Variants in LCLAT1 observed in about 807,000 individuals in gnomAD.
The protein encoded by LCLAT1 is 1-AGP acyltransferase 8.
A neutral mutation model predicts 30.7 loss-of-function variants in LCLAT1; 11 were observed. The observed-to-expected ratio is 0.36, with a 90% CI of 0.23 to 0.59. LCLAT1 has a LOEUF of 0.59. Among genes scored for constraint, LCLAT1 ranks in the 20% least tolerant of loss-of-function variants. The pLI, the probability that LCLAT1 is intolerant of heterozygous loss-of-function variation, is 0.77. For missense variants in LCLAT1, 402 were observed against 458.6 expected (o/e 0.88, Z 1.13); for synonymous variants, 155 against 151.3 (o/e 1.02, Z -0.18).
chr2:30,507,595 G>A (rs1392379918), intron 1 of LCLAT1, among the ~76,000 whole-genome samples: 1 of 152,144 alleles, frequency 6.6e-6, no homozygotes, highest in East Asian at 1.9e-4. Flanking sequence ...AGTTTGCTTA[G>A]GATAATGGTC....
chr2:30,472,725 T>C (rs1037421994), intron 1 of LCLAT1, among the ~76,000 whole-genome samples: 4 of 152,202 alleles, frequency 2.6e-5, no homozygotes, highest in Admixed American at 6.5e-5. Context: ...GTGATTACCT[T>C]TCCAGGTAAT....
intron 1 of LCLAT1, among the ~76,000 whole-genome samples, chr2:30,466,253 C>CTTTTCTTTTCTTTTCTTTTCTTTA (rs1296740107): frequency 8.7e-6 from 1 of 114,922 alleles, no homozygotes; most frequent in Non-Finnish European, 1.9e-5. Context: ...TCTTTTCTTT[C>CTTTTCTTTTCTTTTCTTTTCTTTA]TTTCCTGCTT....
At position 30,525,654 on chromosome 2, in the gene LCLAT1, A is replaced by G. The variant is rs780344134; in HGVS notation, c.64A>G (p.Ile22Val). The change falls in exon 2 of 6, where the codon ATT (isoleucine) becomes GTT (valine). Residue 22 changes from isoleucine (I) to valine (V), a missense_variant. Coordinates refer to ENST00000379509, the MANE Select transcript of LCLAT1 (RefSeq NM_001002257.3). ...GTTTTGGGGAAGCTTTTTTGGAAGC[A>G]TTTTCATGCTGAGTCCCTTTTTACC... is the stretch of plus-strand genomic sequence containing the variant. Reference protein sequence around the residue: ...TLFWGSFFGSIFMLSPFLPLM... With the variant: ...TLFWGSFFGSVFMLSPFLPLM... The G allele has an allele frequency of 2.8e-5, 45 of 1,613,934 alleles. No individual in the cohort carries two copies. Among genetic ancestry groups the G allele is most frequent in the Non-Finnish European group, 3.1e-5 (37 of 1,179,938 alleles).
chr2:30,634,251 C>T (rs1158231801), intron 5 of LCLAT1, among the ~76,000 whole-genome samples: 1 of 152,150 alleles, frequency 6.6e-6, no homozygotes, highest in African/African-American at 2.4e-5. Flanking sequence ...TTCCAATAGT[C>T]ACAGTGTCTG....
At chr2:30,626,767 G>A (rs995514790) in intron 5 of LCLAT1, among the ~76,000 whole-genome samples, 9 of 151,618 alleles carry the variant, frequency 5.9e-5, no homozygotes, top group African/African-American at 2.2e-4. Flanking sequence ...AGCATGTAAG[G>A]TCATAAATTT....
At chr2:30,536,771 T>G (rs1452905081) in intron 3 of LCLAT1, among the ~76,000 whole-genome samples, 2 of 152,124 alleles carry the variant, frequency 1.3e-5, no homozygotes, top group Admixed American at 6.5e-5. Flanking sequence ...CCAAATTGCA[T>G]AGATAAACAA....
intron 5 of LCLAT1, among the ~76,000 whole-genome samples, chr2:30,625,553 A>G (rs1318892450): frequency 2.0e-5 from 3 of 152,208 alleles, no homozygotes; most frequent in Non-Finnish European, 2.9e-5. Flanking sequence ...TTTCCTCTCA[A>G]TGGAGAAAAG....
At chr2:30,521,020 A>C (rs950892107) in intron 1 of LCLAT1, among the ~76,000 whole-genome samples, 5 of 152,136 alleles carry the variant, frequency 3.3e-5, no homozygotes, top group Non-Finnish European at 7.3e-5. Flanking sequence ...GGTCACCACA[A>C]AATTCGGGTC....
intron 3 of LCLAT1, among the ~76,000 whole-genome samples, chr2:30,537,545 C>CACAT (rs397766280): frequency 6.7e-6 from 1 of 149,702 alleles, no homozygotes; most frequent in African/African-American, 2.5e-5. Flanking sequence ...CACACACACA[C>CACAT]GCACGCACAC....
chr2:30,573,670 T>C (rs1234306653), intron 5 of LCLAT1, among the ~76,000 whole-genome samples: 1 of 152,182 alleles, frequency 6.6e-6, no homozygotes, highest in Non-Finnish European at 1.5e-5. Context: ...CTGATTTTCT[T>C]TGGCTTGGTT....
rs1164368048 is a variant in LCLAT1, at chr2:30,447,330, C to T, written c.-58C>T. On this transcript the variant is annotated 5_prime_UTR_variant, in exon 1 of 6. Transcript: ENST00000379509. Reference sequence around the variant, plus strand: ...GGAGGTTGTGACCCCTACGGAGCCCCAGCTTGCCCACGCACCCCACTCGGC... The same window carrying T: ...GGAGGTTGTGACCCCTACGGAGCCCTAGCTTGCCCACGCACCCCACTCGGC... 6.6e-6 allele frequency: 1 copy of T among 152,152 alleles called. No homozygotes were observed. Among genetic ancestry groups the T allele is most frequent in the East Asian group, 2.0e-4 (1 of 5,092 alleles). The allele number at this position is 152,152 out of a possible 1,614,324, so 9.4% of individuals were successfully genotyped here.
chr2:30,534,221 G>GTGTC (rs1686122884), intron 3 of LCLAT1, among the ~76,000 whole-genome samples: 1 of 3,132 alleles, frequency 3.2e-4, no homozygotes, highest in East Asian at 7.4e-3. Context: ...TTGATTTACT[G>GTGTC]TGTGTGTGTG....
intron 5 of LCLAT1, among the ~76,000 whole-genome samples, chr2:30,602,267 T>A (rs1667226847): frequency 6.6e-6 from 1 of 152,208 alleles, no homozygotes; most frequent in Non-Finnish European, 1.5e-5. Context: ...ACCAGACATT[T>A]TCTGCACTGT....
intron 5 of LCLAT1, among the ~76,000 whole-genome samples, chr2:30,602,113 A>ATAGT (rs1476517245): frequency 2.0e-5 from 3 of 152,098 alleles, no homozygotes; most frequent in Non-Finnish European, 4.4e-5. Context: ...GTGGCAGGCA[A>ATAGT]TAGTTAGATT....
rs187647117 is a variant in LCLAT1 at position 30,555,535 on chromosome 2, G to A, written c.365-6611G>A. 2.0e-5 allele frequency among the ~76,000 whole-genome samples: 3 copies of A among 152,118 alleles called. No individual in the cohort carries two copies. In the East Asian group the frequency reaches 5.8e-4, roughly 29 times the overall value. On this transcript the variant is annotated intron_variant, in intron 3 of 5. Transcript: ENST00000379509. Reference sequence around the variant, plus strand: ...AAATAGTATTTTTTGCAACTGTTGGGTGATTTCTACAAATCTTATAAGAAA... The same window carrying A: ...AAATAGTATTTTTTGCAACTGTTGGATGATTTCTACAAATCTTATAAGAAA...
intron 3 of LCLAT1, among the ~76,000 whole-genome samples, chr2:30,558,672 T>G (rs1398821737): frequency 6.6e-6 from 1 of 151,396 alleles, no homozygotes; most frequent in Non-Finnish European, 1.5e-5. Context: ...ACACATGAAT[T>G]CTAATGGCTA....
intron 3 of LCLAT1, among the ~76,000 whole-genome samples, chr2:30,561,244 C>T (rs996070661): frequency 7.2e-5 from 11 of 152,102 alleles, no homozygotes; most frequent in Admixed American, 2.0e-4. Context: ...CACGCGGCCT[C>T]TTGTATGCTA....
intron 1 of LCLAT1, among the ~76,000 whole-genome samples, chr2:30,482,392 A>G (rs1041928863): frequency 2.6e-5 from 4 of 152,246 alleles, no homozygotes; most frequent in African/African-American, 4.8e-5. Flanking sequence ...CTGCCATTAA[A>G]TGAAAGCAGA....
intron 3 of LCLAT1, among the ~76,000 whole-genome samples, chr2:30,537,855 T>A (rs1663868134): frequency 6.6e-6 from 1 of 152,166 alleles, no homozygotes; most frequent in Admixed American, 6.5e-5. Context: ...CAGCAAATTT[T>A]AAAAAATCGA....
Sources: allele counts gnomAD v4.1 joint callset (sites outside exome capture counted in the v4.1 genomes callset), GRCh38; gene constraint gnomAD v4.1.1; transcripts MANE v1.5; gene names NCBI Gene and HGNC (gene_info 2026-07-23, HGNC 2026-07-21).